Variants in CFAP47 observed in about 807,000 individuals in gnomAD.
The protein encoded by CFAP47 is cilia- and flagella-associated protein 47.
In CFAP47, 29 loss-of-function variants were observed where a neutral mutation model predicts 148.1. The observed-to-expected ratio is 0.20, with a 90% CI of 0.15 to 0.27. The LOEUF is 0.27. Ranked by LOEUF, CFAP47 falls within the 10% of genes least tolerant of loss-of-function variation. The probability of loss-of-function intolerance (pLI) is 1.00; values close to 1 mark genes in which losing one functional copy is unlikely to be tolerated. For synonymous variants in CFAP47, 664 were observed against 577.3 expected (o/e 1.15, Z -2.15); for missense variants, 1,872 against 1,697.5 (o/e 1.10, Z -1.81).
intron 26 of CFAP47, among the ~76,000 whole-genome samples, chrX:36,051,068 G>T (rs1937518597): frequency 8.9e-6 from 1 of 112,315 alleles, no homozygotes; most frequent in Non-Finnish European, 1.9e-5. Context: ...TCACCTGGAT[G>T]TCCAGGCAGC....
At chrX:36,075,504 G>A (rs140427798) in intron 29 of CFAP47, among the ~76,000 whole-genome samples, 1,929 of 112,024 alleles carry the variant, frequency 0.017, 22 homozygotes, top group Non-Finnish European at 0.028. Flanking sequence ...GGGATTACAG[G>A]CATGAGCCAC....
rs747454225 is a variant in CFAP47 at position 36,133,134 on chromosome X, GA to G, written c.5321-4823del. Among the ~76,000 whole-genome samples the G allele has an allele frequency of 3.6e-5, 4 of 111,250 alleles. No individual in the cohort carries two copies. The Admixed American group carries it at 3.8e-4, about 11-fold the overall frequency. ...GTAGAGGCCAAGTATACACTAGTGAGAGATCATGAAACTCCTAGTGGCCACA... is the reference window on the plus strand; with the variant it reads ...GTAGAGGCCAAGTATACACTAGTGAGGATCATGAAACTCCTAGTGGCCACA... On this transcript the variant is annotated intron_variant, in intron 33 of 63. Coordinates refer to ENST00000378653, the MANE Select transcript of CFAP47 (RefSeq NM_001304548.2).
At chrX:36,341,295 A>G (rs1014527766) in intron 57 of CFAP47, among the ~76,000 whole-genome samples, 21 of 110,916 alleles carry the variant, frequency 1.9e-4, no homozygotes, top group Admixed American at 1.3e-3. Flanking sequence ...TCGGCCTCCC[A>G]AAGAGCTGGG....
chrX:35,926,672 A>T (rs1437440176), intron 2 of CFAP47, among the ~76,000 whole-genome samples: 3 of 111,935 alleles, frequency 2.7e-5, no homozygotes, highest in Non-Finnish European at 5.6e-5. Context: ...TAGTGTTAAA[A>T]TTTAAAGTGT....
chrX:35,972,768 C>T (rs915071448), intron 13 of CFAP47, among the ~76,000 whole-genome samples: 1 of 111,282 alleles, frequency 9.0e-6, no homozygotes, highest in Non-Finnish European at 1.9e-5. Flanking sequence ...TATCAATTCC[C>T]CAGTTGATGG....
At chrX:35,985,015 G>T (rs1936695741) in intron 15 of CFAP47, among the ~76,000 whole-genome samples, 1 of 111,544 alleles carries the variant, frequency 9.0e-6, no homozygotes, top group African/African-American at 3.3e-5. Flanking sequence ...CTGCCTCAGT[G>T]GTCTGTCTGA....
chrX:36,323,221 C>T (rs1270577886), intron 57 of CFAP47, among the ~76,000 whole-genome samples: 1 of 110,717 alleles, frequency 9.0e-6, no homozygotes, highest in Non-Finnish European at 1.9e-5. Context: ...TTATATACAC[C>T]TACTATGTAG....
At chrX:36,334,355 A>G (rs1221156794) in intron 57 of CFAP47, among the ~76,000 whole-genome samples, 2 of 111,656 alleles carry the variant, frequency 1.8e-5, no homozygotes, top group African/African-American at 6.5e-5. Context: ...TTAGGTCTGT[A>G]TATAATTGTC....
chrX:36,202,369 A>T (rs1425076481), intron 44 of CFAP47, among the ~76,000 whole-genome samples: 1 of 111,147 alleles, frequency 9.0e-6, no homozygotes, highest in Non-Finnish European at 1.9e-5. Context: ...GATGATCTAC[A>T]TGACCCGTCA....
intron 35 of CFAP47, among the ~76,000 whole-genome samples, chrX:36,142,235 C>T (rs1030400667): frequency 9.0e-6 from 1 of 111,005 alleles, no homozygotes; most frequent in African/African-American, 3.3e-5. Flanking sequence ...TCTTATCACC[C>T]CTTCTATTTA....
intron 2 of CFAP47, among the ~76,000 whole-genome samples, chrX:35,930,856 G>T: frequency 9.0e-6 from 1 of 111,567 alleles, no homozygotes; most frequent in Middle Eastern, 4.6e-3. Flanking sequence ...ATTGCTAGTG[G>T]TTTATCAACT....
chrX:35,928,476 A>T (rs766544648), intron 2 of CFAP47, among the ~76,000 whole-genome samples: 5 of 111,283 alleles, frequency 4.5e-5, no homozygotes, highest in African/African-American at 1.6e-4. Flanking sequence ...ATCTCTGTTA[A>T]TGTGTTTTTC....
At chrX:36,305,881 A>G (rs1393072122) in intron 54 of CFAP47, among the ~76,000 whole-genome samples, 1 of 111,823 alleles carries the variant, frequency 8.9e-6, no homozygotes, top group Non-Finnish European at 1.9e-5. Flanking sequence ...AAAATATTAG[A>G]TGTAGATAAG....
At chrX:35,963,279 G>GTATAAATA (rs1936358605) in intron 8 of CFAP47, among the ~76,000 whole-genome samples, 2 of 109,532 alleles carry the variant, frequency 1.8e-5, no homozygotes, top group Non-Finnish European at 3.8e-5. Flanking sequence ...TAATAAAAGG[G>GTATAAATA]TATAAATATT....
At chrX:36,329,653 A>G (rs1202065749) in intron 57 of CFAP47, among the ~76,000 whole-genome samples, 1 of 112,328 alleles carries the variant, frequency 8.9e-6, no homozygotes, top group East Asian at 2.8e-4. Context: ...ATTATTTCAG[A>G]CATCATTTTT....
rs535714867 is a variant in CFAP47 at position 35,929,960 on chromosome X, A to G, written c.401+3792A>G. Among the ~76,000 whole-genome samples the G allele has an allele frequency of 2.5e-4, 28 of 111,003 alleles. No homozygotes were observed. The South Asian group carries it at 3.0e-3, about 12-fold the overall frequency. On this transcript the variant is annotated intron_variant, in intron 2 of 63. Coordinates refer to ENST00000378653, the MANE Select transcript of CFAP47 (RefSeq NM_001304548.2). ...GTTGCAGTGAGCTGAAATCATGCCAATGCACTTCAGCCTGGGTGACAGAGT... is the reference window on the plus strand; with the variant it reads ...GTTGCAGTGAGCTGAAATCATGCCAGTGCACTTCAGCCTGGGTGACAGAGT...
At chrX:36,162,309 A>G (rs193272548) in intron 39 of CFAP47, among the ~76,000 whole-genome samples, 74 of 111,742 alleles carry the variant, frequency 6.6e-4, no homozygotes, top group South Asian at 3.0e-3. Flanking sequence ...TAAACTCAAA[A>G]ATATAAAACC....
At chrX:36,029,485 ATC>A (rs1201871616) in intron 22 of CFAP47, among the ~76,000 whole-genome samples, 1 of 109,155 alleles carries the variant, frequency 9.2e-6, no homozygotes, top group Non-Finnish European at 1.9e-5. Context: ...GTTATTTGTG[ATC>A]TTTCTTCTTT....
At chrX:36,252,334 A>G in intron 49 of CFAP47, among the ~76,000 whole-genome samples, 1 of 109,436 alleles carries the variant, frequency 9.1e-6, no homozygotes, top group Non-Finnish European at 1.9e-5. Context: ...AAGAAAGTGC[A>G]GAGAGCATAC....
Sources: allele counts gnomAD v4.1 joint callset (sites outside exome capture counted in the v4.1 genomes callset), GRCh38; gene constraint gnomAD v4.1.1; transcripts MANE v1.5; gene names NCBI Gene and HGNC (gene_info 2026-07-23, HGNC 2026-07-21).